The following MYLK4 variants were observed in gnomAD, a reference collection of about 807,000 sequenced individuals.
MYLK4 encodes the protein caMLCK like.
A neutral mutation model predicts 48.1 loss-of-function variants in MYLK4; 46 were observed. The observed-to-expected ratio is 0.96, with a 90% CI of 0.75 to 1.22. MYLK4 has a LOEUF of 1.22. Among genes scored for constraint, MYLK4 ranks in the 50% most tolerant of loss-of-function variants. The pLI, the probability that MYLK4 is intolerant of heterozygous loss-of-function variation, is 0.00. For missense variants in MYLK4, 451 were observed against 486.1 expected, an observed-to-expected ratio of 0.93 and a Z score of 0.68; for synonymous variants, 170 against 180.8, an observed-to-expected ratio of 0.94 and a Z score of 0.48.
chr6:2,688,962 A>G lies in MYLK4; in HGVS notation c.236-6T>C, dbSNP rs1398444865. 6.2e-7 allele frequency: 1 copy of G among 1,613,690 alleles called. No individual in the cohort carries two copies. The highest frequency in any genetic ancestry group is 8.5e-7 in the Non-Finnish European group (1 of 1,179,572). ...CGGAGGAGCCGGGATGTCAACTAGAAGGTGAGAGAAACAGAAGGGCAATCT... is the reference window on the plus strand; with the variant it reads ...CGGAGGAGCCGGGATGTCAACTAGAGGGTGAGAGAAACAGAAGGGCAATCT... On this transcript the variant is annotated splice_region_variant and splice_polypyrimidine_tract_variant and intron_variant, in intron 3 of 12. Coordinates refer to ENST00000274643, the MANE Select transcript of MYLK4 (RefSeq NM_001012418.5).
chr6:2,712,724 C>T (rs1762718761), intron 2 of MYLK4, among the ~76,000 whole-genome samples: 1 of 152,220 alleles, frequency 6.6e-6, no homozygotes, highest in Non-Finnish European at 1.5e-5. Context: ...CTGCATCGGG[C>T]TTTCACACAT....
At chr6:2,768,578 C>G in the MYLK4 span, 2 of 790,358 alleles carry the variant, frequency 2.5e-6, no homozygotes, top group Non-Finnish European at 3.8e-6. Flanking sequence ...AGCATTCTTC[C>G]GAGGTCAAGT....
chr6:2,763,374 C>T, the MYLK4 span, among the ~76,000 whole-genome samples: 2 of 152,204 alleles, frequency 1.3e-5, no homozygotes, highest in African/African-American at 2.4e-5. Context: ...GCCCTGGGTG[C>T]CGTGAGGCAG....
intron 7 of MYLK4, among the ~76,000 whole-genome samples, chr6:2,681,923 T>C (rs1761320131): frequency 6.6e-6 from 1 of 152,250 alleles, no homozygotes; most frequent in African/African-American, 2.4e-5. Flanking sequence ...TCAATGAAAA[T>C]GCTCCATGAA....
chr6:2,747,748 T>C (rs1374617188), intron 2 of MYLK4, among the ~76,000 whole-genome samples: 1 of 152,192 alleles, frequency 6.6e-6, no homozygotes, highest in Non-Finnish European at 1.5e-5. Context: ...TCATATAAAC[T>C]ATTACAGTTA....
At chr6:2,745,212 G>A (rs1764041648) in intron 2 of MYLK4, among the ~76,000 whole-genome samples, 1 of 152,130 alleles carries the variant, frequency 6.6e-6, no homozygotes, top group South Asian at 2.1e-4. Context: ...GTGTGGGGGT[G>A]TATATGAGAC....
the MYLK4 span, chr6:2,766,267 C>G: frequency 2.6e-6 from 4 of 1,562,886 alleles, no homozygotes; most frequent in Non-Finnish European, 3.5e-6. Flanking sequence ...CGCTGGCTGC[C>G]GAGGAGATCC....
chr6:2,721,243 G>A (rs962951235), intron 2 of MYLK4, among the ~76,000 whole-genome samples: 5 of 152,184 alleles, frequency 3.3e-5, no homozygotes, highest in African/African-American at 1.2e-4. Context: ...AAGGATGTGA[G>A]CACCCAGCAA....
At chr6:2,737,977 C>CGGGCGG (rs1158504264) in intron 2 of MYLK4, among the ~76,000 whole-genome samples, 1 of 2,530 alleles carries the variant, frequency 4.0e-4, no homozygotes, top group Admixed American at 4.1e-3. Context: ...GTGCCGGGGG[C>CGGGCGG]GGGTGGGGGG....
At chr6:2,749,072 A>G (rs1764194712) in intron 2 of MYLK4, 64 bp downstream of exon 2, 1 of 1,484,262 alleles carries the variant, frequency 6.7e-7, no homozygotes, top group Non-Finnish European at 9.1e-7. Flanking sequence ...AAGCGGCTCC[A>G]TGACATTAGA....
chr6:2,739,680 G>C (rs898428631), intron 2 of MYLK4, among the ~76,000 whole-genome samples: 7 of 152,094 alleles, frequency 4.6e-5, no homozygotes, highest in Non-Finnish European at 1.5e-5. Context: ...TGGCAAATGA[G>C]GTTTTAAAAA....
At chr6:2,693,051 G>T (rs1441800842) in intron 2 of MYLK4, among the ~76,000 whole-genome samples, 192 bp from the exon 3 acceptor site, 1 of 152,010 alleles carries the variant, frequency 6.6e-6, no homozygotes, top group Non-Finnish European at 1.5e-5. Context: ...TGACCAAAAA[G>T]GTCTCCAGAG....
At chr6:2,764,031 C>T in the MYLK4 span, among the ~76,000 whole-genome samples, 4 of 152,146 alleles carry the variant, frequency 2.6e-5, no homozygotes, top group Non-Finnish European at 5.9e-5. Context: ...ACTCGAGAGG[C>T]TGAGACAGCA....
intron 2 of MYLK4, among the ~76,000 whole-genome samples, chr6:2,708,540 A>C (rs970770250): frequency 6.6e-6 from 1 of 152,246 alleles, no homozygotes. Context: ...ACTTTGACTT[A>C]AACTGTTAGT....
At chr6:2,766,977 C>T in the MYLK4 span, among the ~76,000 whole-genome samples, 2 of 152,096 alleles carry the variant, frequency 1.3e-5, no homozygotes, top group African/African-American at 2.4e-5. Flanking sequence ...TTCTTATATT[C>T]TTGAGAATAT....
chr6:2,761,694 T>C, the MYLK4 span, among the ~76,000 whole-genome samples: 2 of 152,202 alleles, frequency 1.3e-5, no homozygotes, highest in Non-Finnish European at 2.9e-5. Context: ...GGTCACACTA[T>C]GGACAGCTCA....
chr6:2,671,181 C>T, intron 12 of MYLK4, 95 bp downstream of exon 12: 1 of 873,444 alleles, frequency 1.1e-6, no homozygotes, highest in South Asian at 1.6e-5. Context: ...CGCTGCTCTT[C>T]TTCCTGCATA....
At chr6:2,706,534 C>T (rs978472166) in intron 2 of MYLK4, among the ~76,000 whole-genome samples, 1 of 151,950 alleles carries the variant, frequency 6.6e-6, no homozygotes, top group Non-Finnish European at 1.5e-5. Context: ...CTCAGTGAAG[C>T]TTTTTTTAAT....
chr6:2,768,084 C>T, the MYLK4 span, among the ~76,000 whole-genome samples: 2 of 152,122 alleles, frequency 1.3e-5, no homozygotes, highest in Non-Finnish European at 2.9e-5. Context: ...AGTGCTTTAC[C>T]TGGGTCTCCT....
Sources: allele counts gnomAD v4.1 joint callset (sites outside exome capture counted in the v4.1 genomes callset), GRCh38; gene constraint gnomAD v4.1.1; transcripts MANE v1.5; gene names NCBI Gene and HGNC (gene_info 2026-07-23, HGNC 2026-07-21).